Variants in POLR2G observed in about 807,000 individuals in gnomAD.
POLR2G encodes the protein RNA polymerase II subunit G, also known as DNA-directed RNA polymerase II subunit RPB7.
POLR2G carries 19 observed loss-of-function variants against 25.7 expected under a neutral mutation model. That is an observed-to-expected ratio of 0.74 (90% CI 0.52 to 1.08). The LOEUF is 1.08. Ranked by LOEUF, POLR2G falls within the 50% of genes least tolerant of loss-of-function variation. The pLI is 0.00. For missense variants in POLR2G, 123 were observed against 218.5 expected (o/e 0.56, Z 2.76); for synonymous variants, 79 against 76.0 (o/e 1.04, Z -0.21).
At position 62,762,920 on chromosome 11, in the gene POLR2G, TC is replaced by T; in HGVS notation, c.178del (p.Gln60SerfsTer77). ...ATTGACAATATTGGTGCTGGTGTGA[TC>T]CAGCCAGGCCGAGGCTTTGTCCTTT... ...TTIDNIGAGV[I>X]QPGRGFVLYP... On this transcript the variant is annotated frameshift_variant, in exon 3 of 8. Coordinates refer to ENST00000301788, the MANE Select transcript of POLR2G (RefSeq NM_002696.3). LOFTEE classifies it high-confidence loss of function. The T allele has an allele frequency of 6.2e-7, 1 of 1,611,096 alleles. No homozygotes were observed. Among genetic ancestry groups the T allele is most frequent in the Non-Finnish European group, 8.5e-7 (1 of 1,177,540 alleles).
chr11:62,766,375 A>C, intron 7 of POLR2G, 99 bp downstream of exon 7: 2 of 1,516,816 alleles, frequency 1.3e-6, no homozygotes, highest in Non-Finnish European at 1.8e-6. Context: ...AGAGAGACAG[A>C]AGAAACTTTC....
At chr11:62,763,746 GTT>G (rs113273321) in intron 3 of POLR2G, among the ~76,000 whole-genome samples, 4 of 137,578 alleles carry the variant, frequency 2.9e-5, no homozygotes, top group Admixed American at 7.3e-5. Flanking sequence ...TAAAAGGTGG[GTT>G]TTTTTTTTTT....
chr11:62,764,491 A>C (rs2084104955), intron 3 of POLR2G, among the ~76,000 whole-genome samples: 1 of 152,016 alleles, frequency 6.6e-6, no homozygotes, highest in East Asian at 1.9e-4. Flanking sequence ...TACAAATGAA[A>C]GCTTAAAAAA....
At chr11:62,765,116 C>T (rs1215981041) in intron 3 of POLR2G, 66 bp from the exon 4 acceptor site, 83 of 1,451,310 alleles carry the variant, frequency 5.7e-5, no homozygotes, top group African/African-American at 8.4e-5. Flanking sequence ...CTCGGCCTCC[C>T]AAAGTGCTGG....
At chr11:62,762,700 C>A (rs2084094668) in intron 2 of POLR2G, 167 bp from the exon 3 acceptor site, 4 of 635,614 alleles carry the variant, frequency 6.3e-6, no homozygotes, top group Non-Finnish European at 1.2e-5. Flanking sequence ...ATACTGATCT[C>A]TGTTCTGTCT....
rs1218862957 is a variant in POLR2G, at chr11:62,761,844, A to T, written c.62A>T (p.Asn21Ile). The change falls in exon 2 of 8, where the codon AAC becomes ATC. Residue 21 changes from asparagine (N) to isoleucine (I), a missense_variant. By Grantham distance (149) the Asn-to-Ile change is moderately radical. Coordinates refer to ENST00000301788, the MANE Select transcript of POLR2G (RefSeq NM_002696.3). ...ILLHPRYFGP[N>I]LLNTVKQKLF... ...CTGCACCCGCGCTACTTCGGCCCCA[A>T]CTTGCTCAACACGGTGAAGCAGAAG... 6 of 1,613,792 alleles carry T rather than the reference A, an allele frequency of 3.7e-6. No homozygotes were observed. Among genetic ancestry groups the T allele is most frequent in the East Asian group, 2.2e-5 (1 of 44,890 alleles).
In POLR2G at chr11:62,761,614, G is replaced by A. The variant is rs1461179915; in HGVS notation, c.-35G>A. 1 of 1,598,276 alleles carries A rather than the reference G, an allele frequency of 6.3e-7. No individual in the cohort carries two copies. The highest frequency in any genetic ancestry group is 8.5e-7 in the Non-Finnish European group (1 of 1,171,990). ...CGGTGGATTCCCAGGGACTGTCGGAGGTGTGGACTCTGCCTGCCTACCTGG... is the reference window on the plus strand; with the variant it reads ...CGGTGGATTCCCAGGGACTGTCGGAAGTGTGGACTCTGCCTGCCTACCTGG... On this transcript the variant is annotated 5_prime_UTR_variant, in exon 1 of 8. Coordinates refer to ENST00000301788, the MANE Select transcript of POLR2G (RefSeq NM_002696.3).
intron 2 of POLR2G, 90 bp from the exon 3 acceptor site, chr11:62,762,777 C>A (rs2084094982): frequency 7.5e-6 from 8 of 1,062,178 alleles, no homozygotes; most frequent in Non-Finnish European, 8.4e-6. Context: ...CTCCCCGACC[C>A]TACCCCCAAG....
intron 3 of POLR2G, among the ~76,000 whole-genome samples, chr11:62,763,449 C>T (rs191231032): frequency 3.7e-4 from 56 of 152,038 alleles, no homozygotes; most frequent in Middle Eastern, 3.4e-3. Context: ...TGCCCACCAC[C>T]ACGCCCGGCT....
chr11:62,765,538 C>A, intron 5 of POLR2G, 115 bp from the exon 6 acceptor site: 2 of 1,090,384 alleles, frequency 1.8e-6, no homozygotes, highest in Non-Finnish European at 2.8e-6. Flanking sequence ...TATGACTTTA[C>A]GATGGTGTGA....
chr11:62,761,585 T>G lies in POLR2G; in HGVS notation c.-64T>G. On this transcript the variant is annotated 5_prime_UTR_variant, in exon 1 of 8. Transcript: ENST00000301788. The stretch of plus-strand genomic sequence containing the variant: ...GAACTGGGGTTGCGGCGTCTAAGTG[T>G]TTCCGGTGGATTCCCAGGGACTGTC... 2.0e-6 allele frequency: 3 copies of G among 1,528,400 alleles called. No homozygotes were observed. The highest frequency in any genetic ancestry group is 2.6e-6 in the Non-Finnish European group (3 of 1,132,440). The allele number at this position is 1,528,400 out of a possible 1,614,324, so 94.7% of individuals were successfully genotyped here.
At chr11:62,762,841 C>A in intron 2 of POLR2G, 26 bp from the exon 3 acceptor site, 1 of 1,555,560 alleles carries the variant, frequency 6.4e-7, no homozygotes, top group South Asian at 1.2e-5. Flanking sequence ...CACACAGTGT[C>A]TTCCTGTTTC....
rs2084112185 is a variant in POLR2G at position 62,765,693 on chromosome 11, T to C, written c.440T>C (p.Ile147Thr). 1 of 1,611,452 alleles carries C rather than the reference T, an allele frequency of 6.2e-7. No homozygotes were observed. Among genetic ancestry groups the C allele is most frequent in the Non-Finnish European group, 8.5e-7 (1 of 1,177,550 alleles). Reference protein sequence around the residue: ...IQQDDEIRLKIVGTRVDKNDI... With the variant: ...IQQDDEIRLKTVGTRVDKNDI... Reference sequence around the variant, plus strand: ...CAGGACGATGAGATCCGCTTAAAGATTGTGGGGACCCGTGTGGACAAGAAT... The same window carrying C: ...CAGGACGATGAGATCCGCTTAAAGACTGTGGGGACCCGTGTGGACAAGAAT... Residue 147 changes from isoleucine to threonine, a missense_variant, in exon 6 of 8, where the codon ATT (isoleucine) becomes ACT (threonine). Ile to Thr is a moderately conservative substitution (Grantham distance 89, BLOSUM62 -1). Coordinates refer to ENST00000301788, the MANE Select transcript of POLR2G (RefSeq NM_002696.3).
chr11:62,765,700 G>C lies in POLR2G; in HGVS notation c.447G>C (p.Gly149=). The change falls in exon 6 of 8, where the codon GGG becomes GGC. Residue 149 remains glycine, a synonymous_variant. Coordinates refer to ENST00000301788, the MANE Select transcript of POLR2G (RefSeq NM_002696.3). ...QDDEIRLKIV[G]TRVDKNDIFA... ...ATGAGATCCGCTTAAAGATTGTGGG[G>C]ACCCGTGTGGACAAGAATGACATTG... 2 of 1,608,290 alleles carry C rather than the reference G, an allele frequency of 1.2e-6. No homozygotes were observed. Among genetic ancestry groups the C allele is most frequent in the Non-Finnish European group, 1.7e-6 (2 of 1,174,744 alleles).
chr11:62,765,578 C>G, intron 5 of POLR2G, 75 bp from the exon 6 acceptor site: 1 of 1,169,204 alleles, frequency 8.6e-7, no homozygotes, highest in Non-Finnish European at 1.3e-6. Flanking sequence ...TGCCCCCGGG[C>G]TTACAGTGAA....
Position 62,765,332 on chromosome 11 carries a change from C to G in POLR2G, c.334-8C>G, listed in dbSNP as rs763603977. 6.2e-7 allele frequency: 1 copy of G among 1,612,084 alleles called. No individual in the cohort carries two copies. The highest frequency in any genetic ancestry group is 1.1e-5 in the South Asian group (1 of 91,040). On this transcript the variant is annotated splice_region_variant and splice_polypyrimidine_tract_variant and intron_variant, in intron 4 of 7. Transcript: ENST00000301788. Reference sequence around the variant, plus strand: ...AAAGTGCTAACCTAGATCTCACTTTCCTTTCAGTCCATCCCTTCAGAGATG... The same window carrying G: ...AAAGTGCTAACCTAGATCTCACTTTGCTTTCAGTCCATCCCTTCAGAGATG...
intron 3 of POLR2G, 90 bp downstream of exon 3, chr11:62,763,116 C>T: frequency 3.2e-6 from 2 of 616,202 alleles, no homozygotes; most frequent in Non-Finnish European, 2.6e-6. Context: ...GTGCCTTTGG[C>T]TAAGTCACTT....
At chr11:62,761,971 C>G in intron 2 of POLR2G, 67 bp downstream of exon 2, 1 of 1,133,828 alleles carries the variant, frequency 8.8e-7, no homozygotes, top group Non-Finnish European at 1.3e-6. Context: ...ACCTGCAACC[C>G]CTCCCCAACT....
rs867840181 is a variant in POLR2G at position 62,766,299 on chromosome 11, T to C, written c.505+23T>C. 15 of 1,610,024 alleles carry C rather than the reference T, an allele frequency of 9.3e-6. No homozygotes were observed. The Middle Eastern group carries it at 1.3e-3, about 142-fold the overall frequency. On this transcript the variant is annotated intron_variant, in intron 7 of 7. Coordinates refer to ENST00000301788, the MANE Select transcript of POLR2G (RefSeq NM_002696.3). ...TGGGTGAGTGCCTGATCATAGGTGC[T>C]GGGGTTATTGCCTGGAGAAGGGATG...
Sources: gnomAD v4.1 joint callset for allele counts (sites outside exome capture counted in the v4.1 genomes callset) on GRCh38, gnomAD v4.1.1 for gene constraint, MANE v1.5 for transcripts, NCBI Gene and HGNC (gene_info 2026-07-23, HGNC 2026-07-21) for gene names.